The following FBXO34 variants were observed in gnomAD, a reference collection of about 807,000 sequenced individuals.
FBXO34 encodes the protein F-box only protein 34.
In FBXO34, 12 loss-of-function variants were observed where a neutral mutation model predicts 24.5. The observed-to-expected ratio is 0.49, with a 90% CI of 0.31 to 0.79. The LOEUF (loss-of-function observed/expected upper bound fraction) is 0.79. Among genes scored for constraint, FBXO34 ranks in the 30% least tolerant of loss-of-function variants. The probability of loss-of-function intolerance (pLI) is 0.04; values close to 1 mark genes in which losing one functional copy is unlikely to be tolerated. For missense variants in FBXO34, 823 were observed against 857.7 expected (o/e 0.96, Z 0.51); for synonymous variants, 320 against 311.9 (o/e 1.03, Z -0.27).
chr14:55,376,084 C>T, the FBXO34 span, among the ~76,000 whole-genome samples: 2 of 152,202 alleles, frequency 1.3e-5, no homozygotes, highest in African/African-American at 2.4e-5. Flanking sequence ...TACTGGTTAA[C>T]TGCATGAGTG....
chr14:55,380,853 G>GTATATATATATA, the FBXO34 span, among the ~76,000 whole-genome samples: 56 of 107,986 alleles, frequency 5.2e-4, no homozygotes, highest in African/African-American at 1.7e-3. Context: ...CATTCTTTGT[G>GTATATATATATA]TGTATATATA....
chr14:55,284,514 A>G (rs1419389179), intron 1 of FBXO34, among the ~76,000 whole-genome samples: 635 of 54,658 alleles, frequency 0.012, 3 homozygotes, highest in Non-Finnish European at 0.017. Flanking sequence ...CTCTGTCTCC[A>G]AAAAAAAAAA....
chr14:55,308,854 TG>T (rs571950350), intron 1 of FBXO34, among the ~76,000 whole-genome samples: 115 of 152,350 alleles, frequency 7.5e-4, no homozygotes, highest in African/African-American at 2.7e-3. Flanking sequence ...TACTTATTTT[TG>T]CTGGTCTCTG....
chr14:55,411,730 G>A, the FBXO34 span: 2 of 1,611,124 alleles, frequency 1.2e-6, no homozygotes, highest in Admixed American at 1.7e-5. Flanking sequence ...CCTCCGCATC[G>A]TCCACGGAGT....
At chr14:55,404,148 T>A in the FBXO34 span, among the ~76,000 whole-genome samples, 10 of 152,294 alleles carry the variant, frequency 6.6e-5, no homozygotes, top group African/African-American at 2.4e-4. Context: ...CAGGGTCTGA[T>A]TATTAAGTGT....
At chr14:55,273,558 G>T (rs925793252) in intron 1 of FBXO34, among the ~76,000 whole-genome samples, 16 of 152,088 alleles carry the variant, frequency 1.1e-4, no homozygotes, top group Non-Finnish European at 1.8e-4. Context: ...TACAAATTTT[G>T]TATACAAAAT....
the FBXO34 span, chr14:55,440,251 C>T: frequency 9.9e-6 from 10 of 1,008,186 alleles, no homozygotes; most frequent in Non-Finnish European, 1.5e-5. Context: ...CTTTTCGAAG[C>T]TTCTAACCTT....
At chr14:55,369,598 G>C (rs370821908), downstream of FBXO34, 38 of 1,472,524 alleles carry the variant, frequency 2.6e-5, no homozygotes, top group Admixed American at 4.6e-5. Flanking sequence ...TGCAGATTTG[G>C]TATGTTTTGG....
chr14:55,421,247 G>A, the FBXO34 span, among the ~76,000 whole-genome samples: 1 of 152,036 alleles, frequency 6.6e-6, no homozygotes, highest in African/African-American at 2.4e-5. Flanking sequence ...TTGAAAGTGT[G>A]TTTCCCTAAG....
chr14:55,318,354 A>G (rs1256031726), intron 1 of FBXO34: 2 of 4,816 alleles, frequency 4.2e-4, no homozygotes, highest in Non-Finnish European at 6.1e-4. Flanking sequence ...ATATATATAT[A>G]TATATATATA....
chr14:55,411,757 G>A, the FBXO34 span: 1 of 1,606,816 alleles, frequency 6.2e-7, no homozygotes, highest in Admixed American at 1.7e-5. Flanking sequence ...GGTCCCGGGC[G>A]AGCGGCCGGG....
At chr14:55,308,944 A>G (rs560902277) in intron 1 of FBXO34, among the ~76,000 whole-genome samples, 9 of 152,268 alleles carry the variant, frequency 5.9e-5, no homozygotes, top group African/African-American at 2.2e-4. Context: ...AATCACAGCT[A>G]TTTTCTTATT....
At chr14:55,359,956 A>C (rs1234538116) in intron 3 of FBXO34, among the ~76,000 whole-genome samples, 4 of 151,412 alleles carry the variant, frequency 2.6e-5, no homozygotes, top group African/African-American at 7.3e-5. Flanking sequence ...AGTGTATGCC[A>C]ATAGTCCCAA....
the FBXO34 span, among the ~76,000 whole-genome samples, chr14:55,432,444 C>CAAAAAAAAACACA: frequency 2.2e-4 from 33 of 147,516 alleles, no homozygotes; most frequent in South Asian, 1.5e-3. Context: ...AAACAAACAA[C>CAAAAAAAAACACA]AAAAAAAACA....
At chr14:55,356,378 G>C (rs979382872), downstream of FBXO34, among the ~76,000 whole-genome samples, 1 of 152,130 alleles carries the variant, frequency 6.6e-6, no homozygotes, top group Non-Finnish European at 1.5e-5. Flanking sequence ...GCTGTATGTC[G>C]GGTATGCCTC....
downstream of FBXO34, among the ~76,000 whole-genome samples, chr14:55,373,600 C>T (rs1051268992): frequency 6.6e-5 from 10 of 152,100 alleles, no homozygotes; most frequent in African/African-American, 1.9e-4. Context: ...GCTGGGGTTA[C>T]AGGCACCCGC....
chr14:55,280,368 G>A (rs7146748), intron 1 of FBXO34, among the ~76,000 whole-genome samples: 79,776 of 151,798 alleles, frequency 0.53, 22,702 homozygotes, highest in African/African-American at 0.76. Context: ...TGTATTGAAC[G>A]TGTACAGATT....
At chr14:55,403,782 T>C in the FBXO34 span, among the ~76,000 whole-genome samples, 13 of 152,326 alleles carry the variant, frequency 8.5e-5, no homozygotes, top group Admixed American at 2.0e-4. Context: ...TCATCTATAA[T>C]AGAGGCACCT....
At position 55,324,835 on chromosome 14, in the gene FBXO34, CT is replaced by C. The variant is rs568662651; in HGVS notation, c.-10-25545del. Among the ~76,000 whole-genome samples, 225 of 152,260 alleles carry C rather than the reference CT, an allele frequency of 1.5e-3. 1 individual carries two copies. Among genetic ancestry groups the C allele is most frequent in the Middle Eastern group, 6.8e-3 (2 of 294 alleles). On this transcript the variant is annotated intron_variant, in intron 1 of 1. Coordinates refer to ENST00000313833, the MANE Select transcript of FBXO34 (RefSeq NM_017943.4). ...GGCTGCTATTATAGAACACCATACACTGGGTGGTTTATATACAACAGAAATT... is the reference window on the plus strand; with the variant it reads ...GGCTGCTATTATAGAACACCATACACGGGTGGTTTATATACAACAGAAATT...
Sources: allele counts gnomAD v4.1 joint callset (sites outside exome capture counted in the v4.1 genomes callset), GRCh38; gene constraint gnomAD v4.1.1; transcripts MANE v1.5; gene names NCBI Gene and HGNC (gene_info 2026-07-23, HGNC 2026-07-21).